Variants in PMM2 observed in about 807,000 individuals in gnomAD.
The protein encoded by PMM2 is phosphomannomutase 2.
A neutral mutation model predicts 33.2 loss-of-function variants in PMM2; 35 were observed. The ratio of observed to expected loss-of-function variants is 1.06; its 90% CI spans 0.81 to 1.40. The LOEUF (loss-of-function observed/expected upper bound fraction) is 1.40, where lower values mean the gene tolerates loss of function less well. Ranked by LOEUF, PMM2 falls within the 40% of genes most tolerant of loss-of-function variation. The pLI, the probability that PMM2 is intolerant of heterozygous loss-of-function variation, is 0.00. For synonymous variants in PMM2, 153 were observed against 114.7 expected (o/e 1.33, Z -2.13); for missense variants, 386 against 306.0 (o/e 1.26, Z -1.95).
chr16:8,832,829 C>T (rs1034683508), intron 7 of PMM2: 26 of 985,232 alleles, frequency 2.6e-5, no homozygotes, highest in African/African-American at 1.7e-4. Flanking sequence ...CCCTCTTCAG[C>T]GTCTTCTCTG....
intron 7 of PMM2, among the ~76,000 whole-genome samples, chr16:8,847,288 C>G (rs897811334): frequency 1.3e-5 from 2 of 151,920 alleles, no homozygotes; most frequent in Admixed American, 6.6e-5. Flanking sequence ...CCACGTCCCT[C>G]ATCACAGGAA....
intron 7 of PMM2, among the ~76,000 whole-genome samples, chr16:8,833,349 G>A (rs536935535): frequency 3.9e-5 from 6 of 152,314 alleles, no homozygotes; most frequent in East Asian, 1.9e-4. Context: ...ACAATGGTGG[G>A]ATGTCATCAG....
rs1309434633 is a variant in PMM2 at position 8,832,394 on chromosome 16, T to C, written c.640-15330T>C. On this transcript the variant is annotated intron_variant, in intron 7 of 7. Coordinates refer to ENST00000268261, the MANE Select transcript of PMM2 (RefSeq NM_000303.3). ...GGAATTGATTCTCCAGACCTAGCTT[T>C]ATTAAGTGTCAGCGAGTTACATGCA... 1.4e-5 allele frequency: 14 copies of C among 985,278 alleles called. No individual in the cohort carries two copies. The East Asian group carries it at 5.7e-4, about 40-fold the overall frequency. 61.0% of individuals were successfully genotyped at this position (985,278 alleles called of 1,614,324 possible). A position where few individuals can be genotyped will look rare whatever the true frequency, so the allele number is the denominator to read the frequency against.
chr16:8,839,704 C>G (rs974853270), intron 7 of PMM2, among the ~76,000 whole-genome samples: 1 of 151,480 alleles, frequency 6.6e-6, no homozygotes, highest in African/African-American at 2.4e-5. Context: ...TGGAAGGCTC[C>G]CATTGTTTGA....
chr16:8,810,646 A>G (rs2060672115), intron 4 of PMM2: 1 of 235,142 alleles, frequency 4.3e-6, no homozygotes. Context: ...GTGTGATCTC[A>G]GCTCACTATA....
At chr16:8,846,214 C>G (rs2060924890) in intron 7 of PMM2, among the ~76,000 whole-genome samples, 1 of 152,168 alleles carries the variant, frequency 6.6e-6, no homozygotes, top group South Asian at 2.1e-4. Context: ...GGCCATCTGC[C>G]TGGGGATAGG....
At chr16:8,830,752 C>T (rs1156647624) in intron 7 of PMM2, among the ~76,000 whole-genome samples, 1 of 152,236 alleles carries the variant, frequency 6.6e-6, no homozygotes, top group Non-Finnish European at 1.5e-5. Flanking sequence ...AATTTCTAAT[C>T]TTGTAACTAA....
chr16:8,834,832 A>C (rs55714279), intron 7 of PMM2, among the ~76,000 whole-genome samples: 4 of 146,942 alleles, frequency 2.7e-5, no homozygotes, highest in South Asian at 2.2e-4. Context: ...AATATGGGGA[A>C]ATGGGGTGAA....
At chr16:8,800,665 C>CTTTTTTTTTTTTTTTTTTTTTTTTTTTT (rs35148703) in intron 1 of PMM2, among the ~76,000 whole-genome samples, 1 of 126,646 alleles carries the variant, frequency 7.9e-6, no homozygotes. Context: ...TAAGCTTCTC[C>CTTTTTTTTTTTTTTTTTTTTTTTTTTTT]TTTTTTTTTT....
intron 7 of PMM2, 56 bp downstream of exon 7, chr16:8,813,162 A>G: frequency 9.1e-7 from 1 of 1,101,822 alleles, no homozygotes; most frequent in Non-Finnish European, 1.4e-6. Context: ...TGATGGGGGA[A>G]ATTGACAACT....
At chr16:8,832,275 C>T (rs1020437963) in intron 7 of PMM2, 42 of 985,422 alleles carry the variant, frequency 4.3e-5, no homozygotes, top group African/African-American at 2.6e-4. Context: ...GATGCTCCTG[C>T]GAGCCGTGCG....
intron 7 of PMM2, among the ~76,000 whole-genome samples, chr16:8,836,559 T>G (rs192518699): frequency 1.5e-4 from 23 of 152,164 alleles, no homozygotes; most frequent in African/African-American, 4.6e-4. Flanking sequence ...GCTGGAGATG[T>G]GGCTGGGGTT....
chr16:8,809,417 T>C (rs1012481556), intron 4 of PMM2: 1 of 152,192 alleles, frequency 6.6e-6, no homozygotes, highest in Non-Finnish European at 1.5e-5. Flanking sequence ...TTTAAGAAAC[T>C]GGGTGGTTTT....
intron 4 of PMM2, 29 bp from the exon 5 acceptor site, chr16:8,811,050 G>A (rs1421960170): frequency 1.4e-5 from 19 of 1,347,348 alleles, no homozygotes; most frequent in Admixed American, 2.0e-5. Flanking sequence ...CGTGTTTTTG[G>A]AGAAACTCTG....
At chr16:8,847,661 C>A in intron 7 of PMM2, 63 bp from the exon 8 acceptor site, 2 of 1,227,208 alleles carry the variant, frequency 1.6e-6, no homozygotes, top group Non-Finnish European at 2.4e-6. Flanking sequence ...ACTCCAGGGT[C>A]ACATCAGCAA....
At chr16:8,831,586 T>C (rs576295131) in intron 7 of PMM2, among the ~76,000 whole-genome samples, 1 of 152,270 alleles carries the variant, frequency 6.6e-6, no homozygotes, top group South Asian at 2.1e-4. Context: ...ATCTGTGCTA[T>C]AGGAGGCATC....
chr16:8,820,597 G>C (rs1157794506), intron 7 of PMM2, among the ~76,000 whole-genome samples: 1 of 151,966 alleles, frequency 6.6e-6, no homozygotes, highest in African/African-American at 2.4e-5. Flanking sequence ...CAAGTGATCC[G>C]CCCACCTTGG....
intron 7 of PMM2, among the ~76,000 whole-genome samples, chr16:8,845,759 G>C (rs932612781): frequency 8.7e-5 from 13 of 149,938 alleles, no homozygotes; most frequent in Non-Finnish European, 1.2e-4. Flanking sequence ...TAGGTTCTCT[G>C]TGACTTTTAC....
At chr16:8,836,236 C>G (rs1010183095) in intron 7 of PMM2, among the ~76,000 whole-genome samples, 1 of 151,892 alleles carries the variant, frequency 6.6e-6, no homozygotes, top group East Asian at 1.9e-4. Flanking sequence ...TGCTCGGCGT[C>G]CGTGATGGTT....
Sources: gnomAD v4.1 joint callset for allele counts (sites outside exome capture counted in the v4.1 genomes callset) on GRCh38, gnomAD v4.1.1 for gene constraint, MANE v1.5 for transcripts, NCBI Gene and HGNC (gene_info 2026-07-23, HGNC 2026-07-21) for gene names.